The following CDH12 variants were observed in gnomAD, a reference collection of about 807,000 sequenced individuals.
CDH12 encodes the protein cadherin 12, also known as cadherin-12.
A neutral mutation model predicts 74.1 loss-of-function variants in CDH12; 41 were observed. The ratio of observed to expected loss-of-function variants is 0.55; its 90% CI spans 0.43 to 0.72. The LOEUF is 0.72. Ranked by LOEUF, CDH12 falls within the 30% of genes least tolerant of loss-of-function variation. CDH12 has a pLI of 0.00. For synonymous variants in CDH12, 399 were observed against 355.0 expected, an observed-to-expected ratio of 1.12 and a Z score of -1.39; for missense variants, 945 against 977.2, an observed-to-expected ratio of 0.97 and a Z score of 0.44.
intron 4 of CDH12, among the ~76,000 whole-genome samples, chr5:22,154,720 T>C (rs1178691490): frequency 2.0e-5 from 3 of 151,946 alleles, no homozygotes; most frequent in Non-Finnish European, 4.4e-5. Flanking sequence ...TACAATACCT[T>C]CCACTGAACT....
At chr5:22,298,830 C>A (rs1160572095) in intron 3 of CDH12, among the ~76,000 whole-genome samples, 2 of 152,142 alleles carry the variant, frequency 1.3e-5, no homozygotes. Context: ...TAGATCAATG[C>A]ACACTCTTCG....
At chr5:21,854,906 G>GT in intron 6 of CDH12, 116 bp from the exon 7 acceptor site, 5 of 810,268 alleles carry the variant, frequency 6.2e-6, no homozygotes, top group Non-Finnish European at 9.7e-6. Flanking sequence ...AGTACACCAT[G>GT]AGTACATGAT....
chr5:22,685,357 C>A (rs1741716916), intron 1 of CDH12, among the ~76,000 whole-genome samples: 1 of 152,138 alleles, frequency 6.6e-6, no homozygotes, highest in Non-Finnish European at 1.5e-5. Flanking sequence ...CTTGTCTCAG[C>A]CTCCCAAGTA....
chr5:21,806,320 C>T (rs1306772773), intron 9 of CDH12, among the ~76,000 whole-genome samples: 1 of 152,122 alleles, frequency 6.6e-6, no homozygotes, highest in Non-Finnish European at 1.5e-5. Context: ...CAGGTCTTTT[C>T]TATGCCTTTC....
intron 4 of CDH12, among the ~76,000 whole-genome samples, chr5:22,151,551 T>C (rs534200512): frequency 1.3e-5 from 2 of 152,276 alleles, no homozygotes; most frequent in East Asian, 3.9e-4. Context: ...GTGCAATTTT[T>C]CCACTGCCAA....
chr5:21,766,000 G>A (rs1745003318), intron 11 of CDH12, among the ~76,000 whole-genome samples: 2 of 151,908 alleles, frequency 1.3e-5, no homozygotes, highest in African/African-American at 4.8e-5. Flanking sequence ...CCAAACCCAG[G>A]ATTATAAAAA....
intron 1 of CDH12, among the ~76,000 whole-genome samples, chr5:22,783,670 C>T (rs1268698778): frequency 6.6e-6 from 1 of 152,038 alleles, no homozygotes; most frequent in South Asian, 2.1e-4. Context: ...GATATTTAAA[C>T]AAATGTGCCC....
intron 2 of CDH12, among the ~76,000 whole-genome samples, chr5:22,481,030 A>T (rs1746365132): frequency 6.6e-6 from 1 of 152,238 alleles, no homozygotes; most frequent in African/African-American, 2.4e-5. Flanking sequence ...AGTATTAAAA[A>T]AATTATTATG....
chr5:22,437,060 AC>A lies in CDH12; in HGVS notation c.-427-31710del, dbSNP rs1455991170. Among the ~76,000 whole-genome samples, 3 of 152,114 alleles carry A rather than the reference AC, an allele frequency of 2.0e-5. No individual in the cohort carries two copies. In the East Asian group the frequency reaches 5.8e-4, roughly 29 times the overall value. On this transcript the variant is annotated intron_variant, in intron 2 of 14. Transcript: ENST00000382254. ...ATAATTTCCTAGAAAATAAGATTTAACTTTTTTCTTTTCTGAGAACAATTGT... is the reference window on the plus strand; with the variant it reads ...ATAATTTCCTAGAAAATAAGATTTAATTTTTTCTTTTCTGAGAACAATTGT...
At chr5:22,036,835 G>C (rs1485860666) in intron 5 of CDH12, among the ~76,000 whole-genome samples, 1 of 151,986 alleles carries the variant, frequency 6.6e-6, no homozygotes, top group African/African-American at 2.4e-5. Context: ...AGGCATCAAA[G>C]GACAGCATTT....
intron 12 of CDH12, among the ~76,000 whole-genome samples, chr5:21,764,263 A>G (rs1744883410): frequency 6.6e-6 from 1 of 152,010 alleles, no homozygotes; most frequent in Admixed American, 6.5e-5. Context: ...AGTCCCAGCT[A>G]CTCGGGAGGC....
chr5:21,755,233 T>C (rs1410134489), intron 14 of CDH12, among the ~76,000 whole-genome samples: 1 of 152,190 alleles, frequency 6.6e-6, no homozygotes, highest in Non-Finnish European at 1.5e-5. Flanking sequence ...TACTAGGAAG[T>C]AAAACAAATT....
intron 6 of CDH12, among the ~76,000 whole-genome samples, chr5:21,924,768 G>A (rs571703715): frequency 2.0e-5 from 3 of 152,270 alleles, no homozygotes; most frequent in African/African-American, 4.8e-5. Flanking sequence ...TTGAGGTGAT[G>A]TGAAAATTTT....
At chr5:21,784,650 AT>A (rs1192515990) in intron 10 of CDH12, among the ~76,000 whole-genome samples, 2 of 152,220 alleles carry the variant, frequency 1.3e-5, no homozygotes, top group East Asian at 3.9e-4. Context: ...AAGAGAGATC[AT>A]TTCAAACAAT....
intron 3 of CDH12, among the ~76,000 whole-genome samples, chr5:22,233,420 T>C (rs547380482): frequency 2.6e-5 from 4 of 152,174 alleles, no homozygotes; most frequent in Non-Finnish European, 5.9e-5. Context: ...ATCTTGCTCA[T>C]GTAAAAGGCC....
chr5:22,208,309 C>T (rs1295525868), intron 4 of CDH12, among the ~76,000 whole-genome samples: 1 of 152,122 alleles, frequency 6.6e-6, no homozygotes, highest in African/African-American at 2.4e-5. Flanking sequence ...GGAAGTCTCA[C>T]CACTGCATGG....
At chr5:21,848,965 G>A (rs1257724065) in intron 7 of CDH12, among the ~76,000 whole-genome samples, 1 of 151,816 alleles carries the variant, frequency 6.6e-6, no homozygotes, top group Non-Finnish European at 1.5e-5. Flanking sequence ...CAGGTCGTAT[G>A]TTATAGATAC....
At chr5:22,309,595 G>C (rs1205923477) in intron 3 of CDH12, among the ~76,000 whole-genome samples, 3 of 152,110 alleles carry the variant, frequency 2.0e-5, no homozygotes, top group Non-Finnish European at 4.4e-5. Context: ...ATGTGCGTGT[G>C]TGTGCTAAGA....
In CDH12 at chr5:22,547,786, A is replaced by T. The variant is rs138934892; in HGVS notation, c.-522-42422T>A. On this transcript the variant is annotated intron_variant, in intron 1 of 14. Transcript: ENST00000382254. ...GTAAGTGGTCTGAACGTATTAGGGG[A>T]ATTTGTAGAAACAAATATCTAATGA... Among the ~76,000 whole-genome samples the T allele has an allele frequency of 5.5e-4, 84 of 152,276 alleles. 3 individuals carry two copies. In the Middle Eastern group the frequency reaches 0.02, roughly 37 times the overall value.
Sources: allele counts gnomAD v4.1 joint callset (sites outside exome capture counted in the v4.1 genomes callset), GRCh38; gene constraint gnomAD v4.1.1; transcripts MANE v1.5; gene names NCBI Gene and HGNC (gene_info 2026-07-23, HGNC 2026-07-21).